CCDC88A: variants seen among roughly 807,000 people sequenced by gnomAD.
CCDC88A encodes the protein coiled-coil and HOOK domain protein 88A, also known as girdin.
In CCDC88A, 54 loss-of-function variants were observed where a neutral mutation model predicts 234.3. That is an observed-to-expected ratio of 0.23 (90% CI 0.19 to 0.29). CCDC88A has a LOEUF of 0.29. Ranked by LOEUF, CCDC88A falls within the 10% of genes least tolerant of loss-of-function variation. CCDC88A has a pLI of 1.00. For synonymous variants in CCDC88A, 753 were observed against 737.8 expected (o/e 1.02, Z -0.33); for missense variants, 1,832 against 2,123.4 (o/e 0.86, Z 2.70).
chr2:55,392,432 G>A (rs1676800152), intron 2 of CCDC88A, among the ~76,000 whole-genome samples: 2 of 152,216 alleles, frequency 1.3e-5, no homozygotes, highest in South Asian at 4.1e-4. Flanking sequence ...TAAACTGACA[G>A]CTCTATAGCA....
At chr2:55,395,460 G>T (rs998676189) in intron 2 of CCDC88A, among the ~76,000 whole-genome samples, 1 of 152,110 alleles carries the variant, frequency 6.6e-6, no homozygotes. Flanking sequence ...CCAATACTTG[G>T]TCTTTTTGAC....
intron 2 of CCDC88A, among the ~76,000 whole-genome samples, chr2:55,406,677 T>C (rs1679643905): frequency 6.6e-6 from 1 of 152,138 alleles, no homozygotes; most frequent in Admixed American, 6.5e-5. Context: ...GAGAATCTCT[T>C]GATCCCAGGA....
rs1388520609 is a variant in CCDC88A, at chr2:55,317,316, C to T, written c.3636G>A (p.Leu1212=). 4 of 1,532,042 alleles carry T rather than the reference C, an allele frequency of 2.6e-6. No homozygotes were observed. Among genetic ancestry groups the T allele is most frequent in the Admixed American group, 1.8e-5 (1 of 54,904 alleles). The allele number at this position is 1,532,042 out of a possible 1,614,324, so 94.9% of individuals were successfully genotyped here. ...YNQLLKQKGQ[L]EDLEKMLKVE... Reference sequence around the variant, plus strand: ...CTTTGAGCATTTTTTCCAAATCTTCCAACTGTCCTTTCTGTTTTAATAACT... The same window carrying T: ...CTTTGAGCATTTTTTCCAAATCTTCTAACTGTCCTTTCTGTTTTAATAACT... Residue 1212 remains leucine (L), a synonymous_variant, in exon 21 of 33, where the codon TTG becomes TTA. Coordinates refer to ENST00000436346, the MANE Select transcript of CCDC88A (RefSeq NM_001365480.1). The surrounding 1 kb of genome is among the most constrained non-coding windows in gnomAD (Gnocchi z 4.2).
intron 3 of CCDC88A, among the ~76,000 whole-genome samples, chr2:55,387,937 TTCA>T (rs1558797003): frequency 6.6e-6 from 1 of 152,090 alleles, no homozygotes; most frequent in African/African-American, 2.4e-5. Flanking sequence ...ATTTGATAAA[TTCA>T]TCATCATATG....
chr2:55,410,758 C>T (rs1335174422), intron 2 of CCDC88A, among the ~76,000 whole-genome samples: 1 of 152,094 alleles, frequency 6.6e-6, no homozygotes, highest in Middle Eastern at 3.4e-3. Flanking sequence ...GAAAAATTAG[C>T]TGGGCATGGT....
At chr2:55,331,560 A>T (rs1486316526) in intron 16 of CCDC88A, among the ~76,000 whole-genome samples, 2 of 152,204 alleles carry the variant, frequency 1.3e-5, no homozygotes, top group Non-Finnish European at 2.9e-5. Context: ...ACAAAAACTG[A>T]ATGAAAATCT....
At position 55,339,452 on chromosome 2, in the gene CCDC88A, A is replaced by G; in HGVS notation, c.1518+12T>C. On this transcript the variant is annotated intron_variant, in intron 13 of 32. Coordinates refer to ENST00000436346, the MANE Select transcript of CCDC88A (RefSeq NM_001365480.1). ...TTTTTAACATTAAAATAAACACTACATTTTAATTTACCTTTTTACTGAGCC... is the reference window on the plus strand; with the variant it reads ...TTTTTAACATTAAAATAAACACTACGTTTTAATTTACCTTTTTACTGAGCC... 1.3e-6 allele frequency: 2 copies of G among 1,507,932 alleles called. No individual in the cohort carries two copies. The highest frequency in any genetic ancestry group is 1.8e-6 in the Non-Finnish European group (2 of 1,110,022). 93.4% of individuals were successfully genotyped at this position (1,507,932 alleles called of 1,614,324 possible).
Position 55,367,528 on chromosome 2 carries a change from G to GTTTTTTTTTTTTTT in CCDC88A, c.403-3496_403-3495insAAAAAAAAAAAAAA. 8.8e-4 allele frequency among the ~76,000 whole-genome samples: 88 copies of GTTTTTTTTTTTTTT among 99,874 alleles called. 17 individuals are homozygous for GTTTTTTTTTTTTTT. The highest frequency in any genetic ancestry group is 0.012 in the Middle Eastern group (2 of 168). 65.5% of individuals were successfully genotyped at this position (99,874 alleles called of 152,430 possible). A position where few individuals can be genotyped will look rare whatever the true frequency, so the allele number is the denominator to read the frequency against. ...TTGCTAGAAATTGTTTTATTTCCTT[G>GTTTTTTTTTTTTTT]TTTTTTTTTAAGAGACTGGGTCTTG... On this transcript the variant is annotated intron_variant, in intron 5 of 32. Transcript: ENST00000436346.
chr2:55,300,641 G>C (rs1680785844), intron 28 of CCDC88A: 2 of 152,644 alleles, frequency 1.3e-5, no homozygotes, highest in Non-Finnish European at 2.9e-5. Flanking sequence ...CTCCCAAGTA[G>C]CTGGGATTAC....
chr2:55,312,281 T>C (rs1287064645), intron 23 of CCDC88A, among the ~76,000 whole-genome samples, 153 bp downstream of exon 23: 3 of 152,192 alleles, frequency 2.0e-5, no homozygotes, highest in Non-Finnish European at 4.4e-5. Context: ...ATGTTAGTAT[T>C]TCTGATTATT....
intron 2 of CCDC88A, among the ~76,000 whole-genome samples, chr2:55,409,491 C>A (rs763331311): frequency 1.3e-5 from 2 of 152,186 alleles, no homozygotes; most frequent in Non-Finnish European, 2.9e-5. Flanking sequence ...ACATGCACCT[C>A]CCCCTTATTG....
In CCDC88A at chr2:55,290,067, G is replaced by T. The variant is rs1679340497; in HGVS notation, c.*1133C>A. On this transcript the variant is annotated 3_prime_UTR_variant, in exon 33 of 33. Coordinates refer to ENST00000436346, the MANE Select transcript of CCDC88A (RefSeq NM_001365480.1). ...GAAAATAAAACTGTGATATAAAATTGGAACTACTAAAAAAATTGATGTTTC... is the reference window on the plus strand; with the variant it reads ...GAAAATAAAACTGTGATATAAAATTTGAACTACTAAAAAAATTGATGTTTC... 1 of 152,348 alleles carries T rather than the reference G, an allele frequency of 6.6e-6. No homozygotes were observed. The highest frequency in any genetic ancestry group is 1.5e-5 in the Non-Finnish European group (1 of 67,908). 9.4% of individuals were successfully genotyped at this position (152,348 alleles called of 1,614,324 possible).
Position 55,334,747 on chromosome 2 carries a change from G to C in CCDC88A, c.2074C>G (p.Leu692Val). 6.2e-7 allele frequency: 1 copy of C among 1,611,388 alleles called. No individual in the cohort carries two copies. The change falls in exon 15 of 33, where the codon CTA becomes GTA. Residue 692 changes from leucine to valine, a missense_variant. Around this residue, in one of 6 missense-constraint regions of CCDC88A, gnomAD observed 1,282 missense variants for 1,543.6 expected, o/e 0.83. Coordinates refer to ENST00000436346, the MANE Select transcript of CCDC88A (RefSeq NM_001365480.1). This position sits in a 1 kb window ranked among gnomAD's most constrained non-coding sequence, Gnocchi z 6.1. ...TCAAGTTGGGAATTCTCTTTTTCTAGGGATTCTAACTGAAAGGTCAGATTT... is the reference window on the plus strand; with the variant it reads ...TCAAGTTGGGAATTCTCTTTTTCTACGGATTCTAACTGAAAGGTCAGATTT... ...FKNLTFQLES[L>V]EKENSQLDEE...
intron 2 of CCDC88A, among the ~76,000 whole-genome samples, chr2:55,416,158 G>A (rs1459866307): frequency 6.6e-6 from 1 of 151,648 alleles, no homozygotes; most frequent in Non-Finnish European, 1.5e-5. Context: ...AGAAAAGACA[G>A]AGCATGAAAA....
At chr2:55,368,366 T>C (rs941935918) in intron 5 of CCDC88A, among the ~76,000 whole-genome samples, 2 of 152,240 alleles carry the variant, frequency 1.3e-5, no homozygotes, top group African/African-American at 4.8e-5. Flanking sequence ...TTTTGAATGC[T>C]GCTTCCTCTT....
intron 2 of CCDC88A, among the ~76,000 whole-genome samples, chr2:55,412,197 G>A (rs1680618114): frequency 6.6e-6 from 1 of 152,176 alleles, no homozygotes; most frequent in African/African-American, 2.4e-5. Flanking sequence ...CTAGTAATAT[G>A]TGAGACAAAA....
At chr2:55,412,972 G>A (rs1391603442) in intron 2 of CCDC88A, among the ~76,000 whole-genome samples, 1 of 152,176 alleles carries the variant, frequency 6.6e-6, no homozygotes, top group Non-Finnish European at 1.5e-5. Context: ...GGGAAGCTGA[G>A]GTGGGAGGAT....
intron 7 of CCDC88A, among the ~76,000 whole-genome samples, chr2:55,357,266 CAA>C (rs1186200152): frequency 6.6e-6 from 1 of 152,074 alleles, no homozygotes; most frequent in Non-Finnish European, 1.5e-5. Context: ...CTTCCTATCT[CAA>C]AGATAGATTC....
intron 2 of CCDC88A, among the ~76,000 whole-genome samples, chr2:55,414,388 T>C (rs570718863): frequency 1.8e-4 from 27 of 152,276 alleles, no homozygotes; most frequent in African/African-American, 6.5e-4. Context: ...CTACAACTGA[T>C]AACAATAAAG....
Sources: allele counts gnomAD v4.1 joint callset (sites outside exome capture counted in the v4.1 genomes callset), GRCh38; gene constraint gnomAD v4.1.1; regional missense constraint gnomAD v4.1.1; non-coding constraint Gnocchi (gnomAD v3.1); transcripts MANE v1.5; gene names NCBI Gene and HGNC (gene_info 2026-07-23, HGNC 2026-07-21).